Variants in FADS1 observed in about 807,000 individuals in gnomAD.
FADS1 encodes acyl-CoA (8-3)-desaturase.
A neutral mutation model predicts 61.6 loss-of-function variants in FADS1; 17 were observed. The ratio of observed to expected loss-of-function variants is 0.28; its 90% confidence interval spans 0.19 to 0.41. FADS1 has a LOEUF of 0.41. FADS1 is among the 10% of genes least tolerant of loss of function. The probability of loss-of-function intolerance (pLI) is 1.00; values close to 1 mark genes in which losing one functional copy is unlikely to be tolerated. For missense variants in FADS1, 387 were observed against 650.9 expected (o/e 0.59, Z 4.41); for synonymous variants, 238 against 258.7 (o/e 0.92, Z 0.77).
In FADS1 at chr11:61,803,882, T is replaced by A; in HGVS notation, c.1054-115A>T. The A allele has an allele frequency of 1.3e-6, 1 of 767,784 alleles. No individual in the cohort carries two copies. The highest frequency in any genetic ancestry group is 2.2e-6 in the Non-Finnish European group (1 of 448,742). 47.6% of individuals were successfully genotyped at this position (767,784 alleles called of 1,614,324 possible). The stretch of plus-strand genomic sequence containing the variant: ...TCCTGGTTATCCAGACTCACTCATC[T>A]TCAGCTTCTCAGGGGTCCAATCCTG... On this transcript the variant is annotated intron_variant, in intron 7 of 11. Coordinates refer to ENST00000350997, the MANE Select transcript of FADS1 (RefSeq NM_013402.7). This position sits in a 1 kb window ranked among gnomAD's most constrained non-coding sequence, Gnocchi z 4.3.
Position 61,812,029 on chromosome 11 carries a change from T to C in FADS1, c.684+442A>G. On this transcript the variant is annotated intron_variant, in intron 3 of 11. Transcript: ENST00000350997. ...CACCTGGCCTGAAGCTCATGACTTA[T>C]GATGGACTGACATCTAGAATACAGA... 2.8e-5 allele frequency: 9 copies of C among 322,450 alleles called. 1 individual carries two copies. The highest frequency in any genetic ancestry group is 2.0e-4 in the South Asian group (8 of 40,480). The allele number at this position is 322,450 out of a possible 1,614,324, so 20.0% of individuals were successfully genotyped here. A position where few individuals can be genotyped will look rare whatever the true frequency, so the allele number is the denominator to read the frequency against.
In FADS1 at chr11:61,804,780, C is replaced by A. The variant is rs780529504; in HGVS notation, c.977-19G>T. 3 of 1,608,418 alleles carry A rather than the reference C, an allele frequency of 1.9e-6. No homozygotes were observed. The highest frequency in any genetic ancestry group is 2.7e-5 in the African/African-American group (2 of 74,904). On this transcript the variant is annotated intron_variant, in intron 6 of 11. Coordinates refer to ENST00000350997, the MANE Select transcript of FADS1 (RefSeq NM_013402.7). ...GGCCCAACTGGGGAGGAAACCGAGACAAAGAGGAGGCATGAGCACAGGAAG... is the reference window on the plus strand; with the variant it reads ...GGCCCAACTGGGGAGGAAACCGAGAAAAAGAGGAGGCATGAGCACAGGAAG...
Position 61,816,169 on chromosome 11 carries a change from G to A in FADS1, c.375+386C>T. 8.2e-7 allele frequency: 1 copy of A among 1,221,752 alleles called. No homozygotes were observed. Among genetic ancestry groups the A allele is most frequent in the Non-Finnish European group, 1.1e-6 (1 of 878,396 alleles). 75.7% of individuals were successfully genotyped at this position (1,221,752 alleles called of 1,614,324 possible). The stretch of plus-strand genomic sequence containing the variant: ...GAGACAGGATGTGACTCCCTCCCCT[G>A]GCCACTGACCCCCTCCCTCCCCAGG... On this transcript the variant is annotated intron_variant, in intron 1 of 11. Coordinates refer to ENST00000350997, the MANE Select transcript of FADS1 (RefSeq NM_013402.7). This position sits in a 1 kb window ranked among gnomAD's most constrained non-coding sequence, Gnocchi z 7.0.
Position 61,812,460 on chromosome 11 carries a change from A to G in FADS1, c.684+11T>C. The G allele has an allele frequency of 1.2e-6, 2 of 1,613,382 alleles. No homozygotes were observed. Among genetic ancestry groups the G allele is most frequent in the Non-Finnish European group, 1.7e-6 (2 of 1,179,742 alleles). On this transcript the variant is annotated intron_variant, in intron 3 of 11. Transcript: ENST00000350997. ...GCATTGCTGTGCACTTGACAAGCCA[A>G]AGGCTCTCACCTGAACTGCACTGAG...
intron 5 of FADS1, among the ~76,000 whole-genome samples, chr11:61,808,834 G>A (rs1044455468): frequency 6.6e-6 from 1 of 152,110 alleles, no homozygotes; most frequent in African/African-American, 2.4e-5. Flanking sequence ...CTGCTCCTCC[G>A]TGGTCTGGTC....
At position 61,811,056 on chromosome 11, in the gene FADS1, T is replaced by C; in HGVS notation, c.704A>G (p.Gln235Arg). 6.2e-7 allele frequency: 1 copy of C among 1,613,520 alleles called. No homozygotes were observed. The change falls in exon 4 of 12, where the codon CAG (glutamine) becomes CGG (arginine). Residue 235 changes from glutamine to arginine, a missense_variant. Transcript: ENST00000350997. ...GACCGACAGGTGCCCAAAGTCATGC[T>C]GCAGCCAGCCAGCCTGGGCCTAGGT... ...SAVQAQAGWL[Q>R]HDFGHLSVFS...
In FADS1 at chr11:61,801,445, AG is replaced by A. The variant is rs1158570804; in HGVS notation, c.*965del. On this transcript the variant is annotated 3_prime_UTR_variant, in exon 12 of 12. Transcript: ENST00000350997. ...GAGTGGTTAAAGAGGTGAAAAGAAG[AG>A]GTGAATTAAAAGATGAAAGAGCTTT... is the stretch of plus-strand genomic sequence containing the variant. 6.6e-6 allele frequency: 1 copy of A among 152,360 alleles called. No homozygotes were observed. Among genetic ancestry groups the A allele is most frequent in the East Asian group, 1.9e-4 (1 of 5,334 alleles). 9.4% of individuals were successfully genotyped at this position (152,360 alleles called of 1,614,324 possible).
intron 2 of FADS1, 123 bp from the exon 3 acceptor site, chr11:61,812,791 G>A (rs940782895): frequency 1.3e-6 from 1 of 783,514 alleles, no homozygotes; most frequent in Non-Finnish European, 2.1e-6. Context: ...ACAGTCCTAG[G>A]CAAAGATACC....
At chr11:61,811,646 A>G (rs2066931799) in intron 3 of FADS1, among the ~76,000 whole-genome samples, 1 of 149,910 alleles carries the variant, frequency 6.7e-6, no homozygotes, top group Non-Finnish European at 1.5e-5. Context: ...CTGGAGTGCA[A>G]TGGTGCCAAC....
At position 61,813,266 on chromosome 11, in the gene FADS1, G is replaced by C; in HGVS notation, c.463C>G (p.Pro155Ala). 6.2e-7 allele frequency: 1 copy of C among 1,610,976 alleles called. No homozygotes were observed. Residue 155 changes from proline to alanine, a missense_variant, in exon 2 of 12, where the codon CCC (proline) becomes GCC (alanine). By Grantham distance (27) the Pro-to-Ala change is conservative. Around this residue, in one of 2 missense-constraint regions of FADS1, gnomAD observed 257 missense variants for 533.3 expected, o/e 0.48. Transcript: ENST00000350997. ...LLIGELSPEQ[P>A]SFEPTKNKEL... ...ACATTCTTGGTGGGCTCAAAGCTGG[G>C]CTGCTCTGGAGACAGTTCTCCAATC...
At chr11:61,806,848 A>G in intron 5 of FADS1, 124 bp from the exon 6 acceptor site, 3 of 850,932 alleles carry the variant, frequency 3.5e-6, no homozygotes, top group Non-Finnish European at 6.0e-6. Context: ...TGCTATTGGA[A>G]AGCTCCAAGA....
chr11:61,802,861 GCA>G lies in FADS1; in HGVS notation c.1392_1393del (p.Ala465GlnfsTer68). 6.2e-7 allele frequency: 1 copy of G among 1,614,196 alleles called. No homozygotes were observed. Among genetic ancestry groups the G allele is most frequent in the Non-Finnish European group, 8.5e-7 (1 of 1,180,020 alleles). Reference sequence around the variant, plus strand: ...GGACTGGTACTCTATGCCATGCTTGGCACACAAGGACTGCACCAGGGGAGCCA... The same window carrying G: ...GGACTGGTACTCTATGCCATGCTTGGCACAAGGACTGCACCAGGGGAGCCA... On this transcript the variant is annotated frameshift_variant, in exon 11 of 12. Coordinates refer to ENST00000350997, the MANE Select transcript of FADS1 (RefSeq NM_013402.7). LOFTEE classifies it high-confidence loss of function. This position sits in a 1 kb window ranked among gnomAD's most constrained non-coding sequence, Gnocchi z 4.2.
At position 61,806,365 on chromosome 11, in the gene FADS1, AG is replaced by A. The variant is rs1164495172; in HGVS notation, c.976+298del. 14 of 318,798 alleles carry A rather than the reference AG, an allele frequency of 4.4e-5. 1 individual carries two copies. The highest frequency in any genetic ancestry group is 8.2e-5 in the Non-Finnish European group (14 of 169,860). 19.7% of individuals were successfully genotyped at this position (318,798 alleles called of 1,614,324 possible). A position where few individuals can be genotyped will look rare whatever the true frequency, so the allele number is the denominator to read the frequency against. On this transcript the variant is annotated intron_variant, in intron 6 of 11. Coordinates refer to ENST00000350997, the MANE Select transcript of FADS1 (RefSeq NM_013402.7). ...CTCCGTCTCAAAAAAAAAAAAAAAA[AG>A]ATAAGGTTGAGGATAAAGCAAGAGG...
At chr11:61,805,857 T>G (rs1004890662) in intron 6 of FADS1, 1 of 152,212 alleles carries the variant, frequency 6.6e-6, no homozygotes, top group Non-Finnish European at 1.5e-5. Flanking sequence ...CACCTCAGTT[T>G]CCTTAGTAGC....
At position 61,803,488 on chromosome 11, in the gene FADS1, A is replaced by C. The variant is rs754940061; in HGVS notation, c.1152-29T>G. ...TTAGATGTATTACACAGACAAAAAC[A>C]GTACACACAGAGCCCAGAATTCTGA... On this transcript the variant is annotated intron_variant, in intron 8 of 11. Transcript: ENST00000350997. The surrounding 1 kb of genome is among the most constrained non-coding windows in gnomAD (Gnocchi z 4.3). 55 of 1,571,392 alleles carry C rather than the reference A, an allele frequency of 3.5e-5. No homozygotes were observed. The highest frequency in any genetic ancestry group is 4.8e-5 in the Non-Finnish European group (55 of 1,141,190).
At chr11:61,810,216 G>A (rs1044796076) in intron 5 of FADS1, among the ~76,000 whole-genome samples, 3 of 152,106 alleles carry the variant, frequency 2.0e-5, no homozygotes, top group Non-Finnish European at 2.9e-5. Flanking sequence ...CAAACCCAAC[G>A]CTGACCACCC....
Position 61,803,900 on chromosome 11 carries a change from C to G in FADS1, c.1054-133G>C. ...ACTCATCTTCAGCTTCTCAGGGGTC[C>G]AATCCTGCAGTATCTAGTGCCACTG... On this transcript the variant is annotated intron_variant, in intron 7 of 11. Coordinates refer to ENST00000350997, the MANE Select transcript of FADS1 (RefSeq NM_013402.7). This position sits in a 1 kb window ranked among gnomAD's most constrained non-coding sequence, Gnocchi z 4.3. 1 of 692,592 alleles carries G rather than the reference C, an allele frequency of 1.4e-6. No individual in the cohort carries two copies. The highest frequency in any genetic ancestry group is 1.7e-5 in the South Asian group (1 of 58,502). 42.9% of individuals were successfully genotyped at this position (692,592 alleles called of 1,614,324 possible).
intron 5 of FADS1, 56 bp downstream of exon 5, chr11:61,810,695 C>T: frequency 6.2e-7 from 1 of 1,604,412 alleles, no homozygotes; most frequent in Admixed American, 1.7e-5. Context: ...TCCCCAACTC[C>T]CCTATGTTGG....
At chr11:61,811,805 C>G (rs2066932857) in intron 3 of FADS1, 1 of 429,702 alleles carries the variant, frequency 2.3e-6, no homozygotes, top group Non-Finnish European at 4.7e-6. Context: ...GCCAGGTGGT[C>G]TTGAACTCCT....
Sources: gnomAD v4.1 joint callset for allele counts (sites outside exome capture counted in the v4.1 genomes callset) on GRCh38, gnomAD v4.1.1 for gene constraint, gnomAD v4.1.1 regional missense constraint, Gnocchi (gnomAD v3.1) non-coding constraint, MANE v1.5 for transcripts, NCBI Gene and HGNC (gene_info 2026-07-23, HGNC 2026-07-21) for gene names.